MMP20: variants seen among roughly 807,000 people sequenced by gnomAD.
The protein encoded by MMP20 is matrix metallopeptidase 20, also known as matrix metalloproteinase-20.
In MMP20, 50 loss-of-function variants were observed where a neutral mutation model predicts 51.8. The observed-to-expected ratio is 0.97, with a 90% CI of 0.77 to 1.22. MMP20 has a LOEUF of 1.22. Ranked by LOEUF, MMP20 falls within the 50% of genes most tolerant of loss-of-function variation. The probability of loss-of-function intolerance (pLI) is 0.00; values close to 1 mark genes in which losing one functional copy is unlikely to be tolerated. For missense variants in MMP20, 663 were observed against 601.4 expected, an observed-to-expected ratio of 1.10 and a Z score of -1.07; for synonymous variants, 244 against 216.2, an observed-to-expected ratio of 1.13 and a Z score of -1.13.
chr11:102,605,738 A>G (rs1213861081), intron 6 of MMP20, among the ~76,000 whole-genome samples: 1 of 152,206 alleles, frequency 6.6e-6, no homozygotes, highest in Non-Finnish European at 1.5e-5. Context: ...AATGCCACAC[A>G]TGAATGCTCC....
At position 102,625,185 on chromosome 11, in the gene MMP20, T is replaced by A. The variant is rs776399054; in HGVS notation, c.126+9A>T. On this transcript the variant is annotated intron_variant, in intron 1 of 9. Coordinates refer to ENST00000260228, the MANE Select transcript of MMP20 (RefSeq NM_004771.4). ...GGAGCAAGAAGGAATTGGGCAAAAA[T>A]TCACAAACCTGTGCGAGGCGGTAGT... is the stretch of plus-strand genomic sequence containing the variant. The A allele has an allele frequency of 6.2e-7, 1 of 1,613,508 alleles. No individual in the cohort carries two copies. Among genetic ancestry groups the A allele is most frequent in the African/African-American group, 1.3e-5 (1 of 74,888 alleles).
chr11:102,618,313 A>G (rs1353314795), intron 1 of MMP20, among the ~76,000 whole-genome samples: 1 of 151,616 alleles, frequency 6.6e-6, no homozygotes, highest in Non-Finnish European at 1.5e-5. Flanking sequence ...TATATAGTAT[A>G]GACATGTTTA....
chr11:102,579,251 C>G, intron 8 of MMP20, 109 bp from the exon 9 acceptor site: 3 of 713,034 alleles, frequency 4.2e-6, no homozygotes, highest in Middle Eastern at 3.7e-4. Context: ...AGGTGTTCCT[C>G]TCTCTCTCTG....
chr11:102,601,003 A>G (rs1454111202), intron 6 of MMP20, among the ~76,000 whole-genome samples: 1 of 152,168 alleles, frequency 6.6e-6, no homozygotes, highest in Non-Finnish European at 1.5e-5. Flanking sequence ...TCTGATGTCA[A>G]ACAGAACTAA....
At chr11:102,617,943 A>G (rs17099119) in intron 1 of MMP20, among the ~76,000 whole-genome samples, 1 of 152,154 alleles carries the variant, frequency 6.6e-6, no homozygotes, top group African/African-American at 2.4e-5. Flanking sequence ...TTTCATGTCC[A>G]TGGGGGAATT....
intron 4 of MMP20, 49 bp from the exon 5 acceptor site, chr11:102,609,147 T>C: frequency 6.6e-7 from 1 of 1,509,956 alleles, no homozygotes; most frequent in Non-Finnish European, 9.2e-7. Context: ...GGTTTTTGTT[T>C]TCTCCATCTT....
In MMP20 at chr11:102,611,922, C is replaced by T. The variant is rs1174722225; in HGVS notation, c.375-19G>A. The T allele has an allele frequency of 3.1e-6, 5 of 1,613,532 alleles. No individual in the cohort carries two copies. Among genetic ancestry groups the T allele is most frequent in the Non-Finnish European group, 4.2e-6 (5 of 1,179,554 alleles). ...AGATATTCTGTGAAAACGGAAGGAA[C>T]ATGTTTTCTTTTCAGTAACTGCTCC... On this transcript the variant is annotated intron_variant, in intron 2 of 9. Coordinates refer to ENST00000260228, the MANE Select transcript of MMP20 (RefSeq NM_004771.4).
intron 1 of MMP20, among the ~76,000 whole-genome samples, chr11:102,622,308 C>T (rs916815817): frequency 6.6e-6 from 1 of 152,166 alleles, no homozygotes; most frequent in Non-Finnish European, 1.5e-5. Context: ...TAAGCACTCT[C>T]TCTGCTTAGC....
At chr11:102,617,090 C>T (rs113993931) in intron 1 of MMP20, 31 bp from the exon 2 acceptor site, 19 of 1,613,950 alleles carry the variant, frequency 1.2e-5, no homozygotes, top group African/African-American at 9.3e-5. Context: ...GACGCGTCTA[C>T]AGCGTAGTCT....
chr11:102,613,355 G>A (rs1271893282), intron 2 of MMP20, among the ~76,000 whole-genome samples: 3 of 152,134 alleles, frequency 2.0e-5, no homozygotes, highest in Non-Finnish European at 1.5e-5. Flanking sequence ...CCCATGAGCA[G>A]GGACCGGCCC....
chr11:102,584,389 G>A (rs1003325351), intron 8 of MMP20, among the ~76,000 whole-genome samples: 1 of 152,120 alleles, frequency 6.6e-6, no homozygotes, highest in African/African-American at 2.4e-5. Context: ...TTGATGTTGA[G>A]CATCTTTTCA....
rs766066167 is a variant in MMP20 at position 102,594,607 on chromosome 11, G to A, written c.1090+14C>T. On this transcript the variant is annotated intron_variant, in intron 7 of 9. Coordinates refer to ENST00000260228, the MANE Select transcript of MMP20 (RefSeq NM_004771.4). Reference sequence around the variant, plus strand: ...AGCCCTGCCATTTCTTTCTTTGAGGGATCTGTAGGGTACCTTTGAAGAAGT... The same window carrying A: ...AGCCCTGCCATTTCTTTCTTTGAGGAATCTGTAGGGTACCTTTGAAGAAGT... The A allele has an allele frequency of 6.2e-7, 1 of 1,613,168 alleles. No individual in the cohort carries two copies. The highest frequency in any genetic ancestry group is 1.3e-5 in the African/African-American group (1 of 74,866).
chr11:102,577,683 G>A (rs1016477109), intron 9 of MMP20, among the ~76,000 whole-genome samples: 34 of 152,186 alleles, frequency 2.2e-4, no homozygotes, highest in African/African-American at 8.2e-4. Flanking sequence ...GCTCAGTTAT[G>A]TACTGTGCTT....
intron 6 of MMP20, among the ~76,000 whole-genome samples, chr11:102,601,553 C>T (rs1591615713): frequency 6.6e-6 from 1 of 152,162 alleles, no homozygotes; most frequent in East Asian, 1.9e-4. Context: ...ATTCTCTCTA[C>T]AGAGCTGTTT....
At chr11:102,579,425 G>C (rs1180221435) in intron 8 of MMP20, among the ~76,000 whole-genome samples, 1 of 151,654 alleles carries the variant, frequency 6.6e-6, no homozygotes, top group African/African-American at 2.4e-5. Context: ...CGATCCTCCT[G>C]TCTCAGCCTC....
intron 8 of MMP20, 22 bp downstream of exon 8, chr11:102,593,417 G>A (rs1222296966): frequency 6.2e-7 from 1 of 1,608,500 alleles, no homozygotes; most frequent in Non-Finnish European, 8.5e-7. Flanking sequence ...AAGATAGATA[G>A]TAAAAAGGAA....
intron 1 of MMP20, 125 bp downstream of exon 1, chr11:102,625,069 C>T: frequency 7.7e-7 from 1 of 1,291,638 alleles, no homozygotes; most frequent in Non-Finnish European, 1.1e-6. Flanking sequence ...ATCAGTTAGA[C>T]TTCAATGGAC....
Position 102,577,178 on chromosome 11 carries a change from T to A in MMP20, c.*148A>T, listed in dbSNP as rs1417218095. On this transcript the variant is annotated 3_prime_UTR_variant, in exon 10 of 10. Coordinates refer to ENST00000260228, the MANE Select transcript of MMP20 (RefSeq NM_004771.4). ...TCTGATTATACAACTATGAAAAAAA[T>A]TGGAAGTATTATTATTCTCAGTGAA... 2 of 642,636 alleles carry A rather than the reference T, an allele frequency of 3.1e-6. No individual in the cohort carries two copies. Among genetic ancestry groups the A allele is most frequent in the Admixed American group, 2.8e-5 (1 of 36,164 alleles). The allele number at this position is 642,636 out of a possible 1,614,324, so 39.8% of individuals were successfully genotyped here. A position where few individuals can be genotyped will look rare whatever the true frequency, so the allele number is the denominator to read the frequency against.
At chr11:102,602,891 T>G (rs1325156100) in intron 6 of MMP20, among the ~76,000 whole-genome samples, 1 of 152,216 alleles carries the variant, frequency 6.6e-6, no homozygotes, top group Non-Finnish European at 1.5e-5. Flanking sequence ...TTCCAGTCAT[T>G]TCTCTCTTAT....
Sources: gnomAD v4.1 joint callset for allele counts (sites outside exome capture counted in the v4.1 genomes callset) on GRCh38, gnomAD v4.1.1 for gene constraint, MANE v1.5 for transcripts, NCBI Gene and HGNC (gene_info 2026-07-23, HGNC 2026-07-21) for gene names.